SUPT6H: variants seen among roughly 807,000 people sequenced by gnomAD.
SUPT6H encodes the protein SPT6 homolog, histone chaperone and transcription elongation factor, also known as transcription elongation factor SPT6.
In SUPT6H, 11 loss-of-function variants were observed where a neutral mutation model predicts 222.3. The ratio of observed to expected loss-of-function variants is 0.05; its 90% CI spans 0.03 to 0.08. The LOEUF is 0.08. SUPT6H is among the 10% of genes least tolerant of loss of function. The probability of loss-of-function intolerance (pLI) is 1.00; values close to 1 mark genes in which losing one functional copy is unlikely to be tolerated. For missense variants in SUPT6H, 1,422 were observed against 2,216.0 expected (o/e 0.64, Z 7.19); for synonymous variants, 762 against 801.2 (o/e 0.95, Z 0.83).
At chr17:28,677,538 A>G (rs1597695950) in intron 7 of SUPT6H, among the ~76,000 whole-genome samples, 177 bp from the exon 8 acceptor site, 1 of 151,692 alleles carries the variant, frequency 6.6e-6, no homozygotes, top group Non-Finnish European at 1.5e-5. Flanking sequence ...AGAGTGAGAC[A>G]CCATCTCAAA....
intron 24 of SUPT6H, 59 bp from the exon 25 acceptor site, chr17:28,689,295 T>G (rs2031538067): frequency 3.2e-6 from 5 of 1,543,602 alleles, no homozygotes; most frequent in Non-Finnish European, 3.6e-6. Flanking sequence ...GGTGGACATT[T>G]GGGTTGTTAC....
At chr17:28,684,777 A>G (rs1442908985) in intron 18 of SUPT6H, 52 bp downstream of exon 18, 2 of 1,612,304 alleles carry the variant, frequency 1.2e-6, no homozygotes, top group African/African-American at 1.3e-5. Context: ...TCCTAATTTC[A>G]TTTTTCTCTC....
At chr17:28,701,166 TA>T (rs1223934929) in intron 36 of SUPT6H, 38 bp downstream of exon 36, 2 of 1,573,932 alleles carry the variant, frequency 1.3e-6, no homozygotes, top group Non-Finnish European at 1.7e-6. Flanking sequence ...AGGTCAGTGG[TA>T]GGGGCAGGTG....
Position 28,676,446 on chromosome 17 carries a change from C to G in SUPT6H, c.897+16C>G. The G allele has an allele frequency of 6.2e-7, 1 of 1,612,972 alleles. No homozygotes were observed. Among genetic ancestry groups the G allele is most frequent in the Non-Finnish European group, 8.5e-7 (1 of 1,179,980 alleles). ...GAGGTTCCAGGTAAAAAACCACCAG[C>G]CTCTGCTCTTCTACCAATCCATAAT... On this transcript the variant is annotated intron_variant, in intron 7 of 36. Transcript: ENST00000314616.
intron 13 of SUPT6H, 93 bp from the exon 14 acceptor site, chr17:28,682,634 G>T: frequency 6.6e-7 from 1 of 1,521,460 alleles, no homozygotes; most frequent in Non-Finnish European, 8.9e-7. Context: ...AATAAAAAAG[G>T]CTAGTTCCCA....
Position 28,681,395 on chromosome 17 carries a change from G to A in SUPT6H, c.1489G>A (p.Asp497Asn). Reference protein sequence around the residue: ...KKLKRVREEGDEEGEGDEAED... With the variant: ...KKLKRVREEGNEEGEGDEAED... ...GCTGAAGCGTGTCAGGGAAGAGGGA[G>A]ATGAAGAAGGTTAGTGCTGGAAAAG... Residue 497 changes from aspartate (D) to asparagine (N), a missense_variant, in exon 12 of 37, where the codon GAT becomes AAT. Around this residue, in one of 13 missense-constraint regions of SUPT6H, gnomAD observed 389 missense variants for 544.6 expected, o/e 0.71. Coordinates refer to ENST00000314616, the MANE Select transcript of SUPT6H (RefSeq NM_003170.5). The A allele has an allele frequency of 6.2e-7, 1 of 1,600,964 alleles. No individual in the cohort carries two copies. Among genetic ancestry groups the A allele is most frequent in the Non-Finnish European group, 8.5e-7 (1 of 1,174,700 alleles).
At chr17:28,698,235 T>A (rs1244647280) in intron 32 of SUPT6H, among the ~76,000 whole-genome samples, 1 of 152,194 alleles carries the variant, frequency 6.6e-6, no homozygotes, top group Non-Finnish European at 1.5e-5. Context: ...AGAAGGGCGC[T>A]TTCCTTAACA....
intron 1 of SUPT6H, chr17:28,671,358 A>G (rs918966375): frequency 1.3e-5 from 2 of 152,234 alleles, no homozygotes; most frequent in Non-Finnish European, 2.9e-5. Flanking sequence ...GTGCCTTGTA[A>G]TGCCTCTTGT....
intron 1 of SUPT6H, chr17:28,671,114 T>A (rs534472176): frequency 6.6e-6 from 1 of 152,138 alleles, no homozygotes; most frequent in African/African-American, 2.4e-5. Flanking sequence ...TAAGGGCAAT[T>A]TTGAGGAGAA....
chr17:28,663,048 T>A (rs2072091092), intron 1 of SUPT6H, among the ~76,000 whole-genome samples: 1 of 152,236 alleles, frequency 6.6e-6, no homozygotes, highest in African/African-American at 2.4e-5. Context: ...AACTGATACT[T>A]ATTTCAGAGG....
chr17:28,665,967 C>T (rs1015519341), intron 1 of SUPT6H, among the ~76,000 whole-genome samples: 4 of 152,176 alleles, frequency 2.6e-5, no homozygotes, highest in Admixed American at 2.0e-4. Flanking sequence ...TTCAGTTCTA[C>T]ATTTAAAACC....
chr17:28,675,636 T>G, intron 6 of SUPT6H, 151 bp downstream of exon 6: 1 of 751,974 alleles, frequency 1.3e-6, no homozygotes, highest in Non-Finnish European at 2.2e-6. Flanking sequence ...AGGCAGTGAT[T>G]TCAGACTGCT....
chr17:28,678,283 T>C (rs2030879113), intron 9 of SUPT6H, 91 bp downstream of exon 9: 1 of 1,171,578 alleles, frequency 8.5e-7, no homozygotes, highest in Non-Finnish European at 1.3e-6. Flanking sequence ...GGGAGCCCCC[T>C]TCCCGTATCC....
intron 32 of SUPT6H, among the ~76,000 whole-genome samples, chr17:28,698,540 ATTCC>A (rs1297201571): frequency 6.6e-6 from 1 of 152,214 alleles, no homozygotes; most frequent in Non-Finnish European, 1.5e-5. Flanking sequence ...TTCCTGAGGT[ATTCC>A]TTTATCTGAG....
At chr17:28,695,312 C>A in intron 28 of SUPT6H, 40 bp from the exon 29 acceptor site, 1 of 1,588,298 alleles carries the variant, frequency 6.3e-7, no homozygotes, top group South Asian at 1.1e-5. Flanking sequence ...CGGGCTAGAT[C>A]ATCTTTGTCC....
chr17:28,663,193 G>T (rs1368260258), intron 1 of SUPT6H, among the ~76,000 whole-genome samples: 1 of 152,180 alleles, frequency 6.6e-6, no homozygotes, highest in Non-Finnish European at 1.5e-5. Flanking sequence ...TCGGAAAAAT[G>T]TCTGGTTCCA....
rs267604783 is a variant in SUPT6H at position 28,701,579 on chromosome 17, C to T, written c.5135C>T (p.Ser1712Phe). Residue 1712 changes from serine (S) to phenylalanine (F), a missense_variant, in exon 37 of 37, where the codon TCC (serine) becomes TTC (phenylalanine). By Grantham distance (155) the Ser-to-Phe change is radical. Coordinates refer to ENST00000314616, the MANE Select transcript of SUPT6H (RefSeq NM_003170.5). ...CCCATGATCGAAAGCACCCCCATGT[C>T]CATTGCTGGCGATGCCACCCCACTC... ...PSPMIESTPM[S>F]IAGDATPLLD... 6.2e-7 allele frequency: 1 copy of T among 1,613,918 alleles called. No individual in the cohort carries two copies. Among genetic ancestry groups the T allele is most frequent in the Non-Finnish European group, 8.5e-7 (1 of 1,179,878 alleles).
Position 28,676,349 on chromosome 17 carries a change from T to C in SUPT6H, c.816T>C (p.Tyr272=). The change falls in exon 7 of 37, where the codon TAT becomes TAC. Residue 272 remains tyrosine (Y), a synonymous_variant. Transcript: ENST00000314616. The stretch of plus-strand genomic sequence containing the variant: ...GCCGTAGGAGCATCTTTGAAATGTA[T>C]GAGCCCAGTGAGCTAGAAAGCAGCC... ...RVSRRSIFEM[Y]EPSELESSHL... is the part of the protein sequence containing the mutation. 2 of 1,612,052 alleles carry C rather than the reference T, an allele frequency of 1.2e-6. No homozygotes were observed. The highest frequency in any genetic ancestry group is 1.7e-6 in the Non-Finnish European group (2 of 1,179,734).
chr17:28,663,013 G>T (rs2151591344), intron 1 of SUPT6H, among the ~76,000 whole-genome samples: 1 of 152,290 alleles, frequency 6.6e-6, no homozygotes, highest in South Asian at 2.1e-4. Flanking sequence ...AGCTGGAGAA[G>T]TTAATTTTCC....
Sources: gnomAD v4.1 joint callset for allele counts (sites outside exome capture counted in the v4.1 genomes callset) on GRCh38, gnomAD v4.1.1 for gene constraint, gnomAD v4.1.1 regional missense constraint, MANE v1.5 for transcripts, NCBI Gene and HGNC (gene_info 2026-07-23, HGNC 2026-07-21) for gene names.